Variants in L3MBTL4 observed in about 807,000 individuals in gnomAD.
The protein encoded by L3MBTL4 is L3MBTL histone methyl-lysine binding protein 4.
L3MBTL4 carries 70 observed loss-of-function variants against 84.5 expected under a neutral mutation model. That is an observed-to-expected ratio of 0.83 (90% CI 0.68 to 1.01). The LOEUF is 1.01. Among genes scored for constraint, L3MBTL4 ranks in the 50% least tolerant of loss-of-function variants. L3MBTL4 has a pLI of 0.00. For missense variants in L3MBTL4, 715 were observed against 754.8 expected (o/e 0.95, Z 0.62); for synonymous variants, 274 against 259.8 (o/e 1.05, Z -0.52).
At chr18:6,325,935 G>C (rs903137509) in intron 1 of L3MBTL4, among the ~76,000 whole-genome samples, 23 of 152,156 alleles carry the variant, frequency 1.5e-4, no homozygotes, top group Admixed American at 6.5e-5. Flanking sequence ...AGCAAGGCTT[G>C]CTCCTTTTCT....
chr18:6,285,809 A>ATATTAC (rs1555716253), intron 4 of L3MBTL4, among the ~76,000 whole-genome samples: 1 of 143,232 alleles, frequency 7.0e-6, no homozygotes, highest in African/African-American at 2.6e-5. Flanking sequence ...TTTAAAAGAT[A>ATATTAC]TATTATTATT....
At chr18:6,188,832 G>A (rs1438460313) in intron 12 of L3MBTL4, among the ~76,000 whole-genome samples, 1 of 152,220 alleles carries the variant, frequency 6.6e-6, no homozygotes, top group Non-Finnish European at 1.5e-5. Flanking sequence ...CCTGGTCCTG[G>A]GATCACTAGA....
At chr18:5,964,533 T>C (rs999578737) in intron 17 of L3MBTL4, among the ~76,000 whole-genome samples, 1 of 152,014 alleles carries the variant, frequency 6.6e-6, no homozygotes, top group Non-Finnish European at 1.5e-5. Flanking sequence ...AAGGGCCCAA[T>C]TGTATAAGGC....
chr18:5,965,861 G>A (rs1295718027), intron 17 of L3MBTL4, among the ~76,000 whole-genome samples: 1 of 152,178 alleles, frequency 6.6e-6, no homozygotes, highest in Non-Finnish European at 1.5e-5. Flanking sequence ...TAATGAAAAT[G>A]GTTTTCCCTG....
In L3MBTL4 at chr18:5,956,865, C is replaced by A. The variant is rs949994042; in HGVS notation, c.1678-478G>T. Reference sequence around the variant, plus strand: ...ACTATAGTCAGAGTGGGCTACTATGCAGTCACCCAAAATCAACTCTCTTGA... The same window carrying A: ...ACTATAGTCAGAGTGGGCTACTATGAAGTCACCCAAAATCAACTCTCTTGA... On this transcript the variant is annotated intron_variant, in intron 18 of 18. Coordinates refer to ENST00000317931, the MANE Select transcript of L3MBTL4 (RefSeq NM_001330559.2). Among the ~76,000 whole-genome samples the A allele has an allele frequency of 7.0e-4, 106 of 152,114 alleles. 1 individual carries two copies. Among genetic ancestry groups the A allele is most frequent in the Admixed American group, 6.9e-3 (105 of 15,290 alleles).
chr18:6,206,794 C>T (rs1460143145), intron 12 of L3MBTL4, among the ~76,000 whole-genome samples: 4 of 152,030 alleles, frequency 2.6e-5, no homozygotes, highest in East Asian at 3.9e-4. Flanking sequence ...CATGGTAGCC[C>T]GCATTTCTTC....
chr18:6,039,745 A>G (rs1718579820), intron 16 of L3MBTL4, among the ~76,000 whole-genome samples: 1 of 152,202 alleles, frequency 6.6e-6, no homozygotes, highest in Non-Finnish European at 1.5e-5. Flanking sequence ...CTTTCTAGAA[A>G]AGGGTCAAGT....
At chr18:6,196,134 A>G (rs2045368441) in intron 12 of L3MBTL4, among the ~76,000 whole-genome samples, 1 of 146,168 alleles carries the variant, frequency 6.8e-6, no homozygotes, top group Non-Finnish European at 1.5e-5. Flanking sequence ...AAACAGCCTC[A>G]TTTGTGCCTA....
At chr18:6,104,384 T>C (rs1410836649) in intron 14 of L3MBTL4, among the ~76,000 whole-genome samples, 1 of 152,226 alleles carries the variant, frequency 6.6e-6, no homozygotes, top group Admixed American at 6.5e-5. Context: ...CAATGGTATA[T>C]TATTAAGCCT....
intron 14 of L3MBTL4, among the ~76,000 whole-genome samples, chr18:6,100,652 G>A (rs2058793174): frequency 1.3e-5 from 2 of 152,186 alleles, no homozygotes; most frequent in Non-Finnish European, 1.5e-5. Context: ...AGTAGGGGAA[G>A]GGGGGCACTT....
intron 3 of L3MBTL4, among the ~76,000 whole-genome samples, chr18:6,310,162 G>A (rs970580390): frequency 1.1e-4 from 17 of 152,164 alleles, no homozygotes; most frequent in African/African-American, 1.7e-4. Context: ...GAGTCTCCTC[G>A]TGCTCTGATT....
intron 13 of L3MBTL4, among the ~76,000 whole-genome samples, chr18:6,169,856 T>C (rs915893929): frequency 6.6e-6 from 1 of 151,806 alleles, no homozygotes; most frequent in African/African-American, 2.4e-5. Context: ...AAGAAAAATT[T>C]AATTAAAGTA....
chr18:6,289,691 A>T (rs143680238), intron 4 of L3MBTL4, among the ~76,000 whole-genome samples: 28 of 151,822 alleles, frequency 1.8e-4, no homozygotes, highest in African/African-American at 6.5e-4. Context: ...TCTCTACTTC[A>T]ACTTTTTTTT....
chr18:6,052,841 A>G (rs1412385262), intron 16 of L3MBTL4, among the ~76,000 whole-genome samples: 1 of 152,256 alleles, frequency 6.6e-6, no homozygotes, highest in Non-Finnish European at 1.5e-5. Context: ...CAGGCCAACA[A>G]AATGGAAAAT....
At chr18:6,307,261 T>C (rs2050627496) in intron 3 of L3MBTL4, among the ~76,000 whole-genome samples, 1 of 148,484 alleles carries the variant, frequency 6.7e-6, no homozygotes, top group African/African-American at 2.5e-5. Flanking sequence ...TGAAACCCCA[T>C]TTCTATTAAA....
At chr18:6,059,204 G>C (rs1201976010) in intron 16 of L3MBTL4, among the ~76,000 whole-genome samples, 1 of 152,198 alleles carries the variant, frequency 6.6e-6, no homozygotes, top group Non-Finnish European at 1.5e-5. Context: ...ACTCCAGTTC[G>C]AGAGGGTTAT....
At chr18:6,196,382 C>T (rs1456121659) in intron 12 of L3MBTL4, among the ~76,000 whole-genome samples, 1 of 152,124 alleles carries the variant, frequency 6.6e-6, no homozygotes, top group African/African-American at 2.4e-5. Context: ...TGGTCTTGAT[C>T]TCCTGACCTC....
intron 14 of L3MBTL4, among the ~76,000 whole-genome samples, chr18:6,129,310 T>C (rs1173755738): frequency 6.6e-6 from 1 of 152,062 alleles, no homozygotes; most frequent in Non-Finnish European, 1.5e-5. Context: ...TGTAGTATTA[T>C]TATTTTGCTT....
At chr18:6,107,117 C>T (rs2059035309) in intron 14 of L3MBTL4, among the ~76,000 whole-genome samples, 1 of 152,092 alleles carries the variant, frequency 6.6e-6, no homozygotes, top group Non-Finnish European at 1.5e-5. Context: ...ATTAATAGTG[C>T]ACATTATTTC....
Sources: gnomAD v4.1 joint callset for allele counts (sites outside exome capture counted in the v4.1 genomes callset) on GRCh38, gnomAD v4.1.1 for gene constraint, MANE v1.5 for transcripts, NCBI Gene and HGNC (gene_info 2026-07-23, HGNC 2026-07-21) for gene names.